The following COL7A1 variants were observed in gnomAD, a reference collection of about 807,000 sequenced individuals.
COL7A1 encodes the protein collagen type VII alpha 1 chain.
In COL7A1, 296 loss-of-function variants were observed where a neutral mutation model predicts 456.2. The ratio of observed to expected loss-of-function variants is 0.65; its 90% CI spans 0.59 to 0.71. The LOEUF is 0.71. COL7A1 is among the 30% of genes least tolerant of loss of function. COL7A1 has a pLI of 0.00. For missense variants in COL7A1, 3,441 were observed against 4,017.2 expected, an observed-to-expected ratio of 0.86 and a Z score of 3.88; for synonymous variants, 1,464 against 1,525.9, an observed-to-expected ratio of 0.96 and a Z score of 0.95.
At position 48,587,553 on chromosome 3, in the gene COL7A1, C is replaced by T. The variant is rs757592677; in HGVS notation, c.2859G>A (p.Glu953=). The stretch of plus-strand genomic sequence containing the variant: ...GTTCAATGCTTGGAACACGAGGTGA[C>T]TCTGAAGGAGGAATGAAAGATCGAG... ...GPSAEVTART[E]SPRVPSIELR... is the part of the protein sequence containing the mutation. The change falls in exon 23 of 119, where the codon GAG becomes GAA. Residue 953 remains glutamate (E), a splice_region_variant and synonymous_variant. Coordinates refer to ENST00000681320, the MANE Select transcript of COL7A1 (RefSeq NM_000094.4). The surrounding 1 kb of genome is among the most constrained non-coding windows in gnomAD (Gnocchi z 6.1). The T allele has an allele frequency of 4.3e-6, 7 of 1,613,490 alleles. No homozygotes were observed. Among genetic ancestry groups the T allele is most frequent in the Admixed American group, 1.7e-5 (1 of 60,018 alleles).
chr3:48,573,725 C>T lies in COL7A1; in HGVS notation c.6538G>A (p.Gly2180Ser), dbSNP rs2044089737. Residue 2180 changes from glycine (G) to serine (S), a missense_variant and splice_region_variant, in exon 82 of 119, where the codon GGT (glycine) becomes AGT (serine). Coordinates refer to ENST00000681320, the MANE Select transcript of COL7A1 (RefSeq NM_000094.4). This position sits in a 1 kb window ranked among gnomAD's most constrained non-coding sequence, Gnocchi z 5.5. ...QGPRGPPGPV[G>S]GHGDPGPPGA... ...GGTGGTCCAGGGTCTCCATGACCAC[C>T]CTGTTGTGGCGAAAAAGAGTCTGAT... 1 of 1,613,404 alleles carries T rather than the reference C, an allele frequency of 6.2e-7. No homozygotes were observed. Among genetic ancestry groups the T allele is most frequent in the Non-Finnish European group, 8.5e-7 (1 of 1,179,778 alleles).
In COL7A1 at chr3:48,588,748, G is replaced by A; in HGVS notation, c.2481C>T (p.Asp827=). The A allele has an allele frequency of 6.2e-7, 1 of 1,613,916 alleles. No individual in the cohort carries two copies. Among genetic ancestry groups the A allele is most frequent in the Non-Finnish European group, 8.5e-7 (1 of 1,180,044 alleles). ...CTTCGAGACCCCGGATCTCTGCAGA[G>A]TCTGTGTTTCCTGGGAGTATCTGGT... The part of the protein sequence containing the change: ...MRHQILPGNT[D]SAEIRGLEGG... Residue 827 remains aspartate (D), a synonymous_variant, in exon 20 of 119, where the codon GAC becomes GAT. Coordinates refer to ENST00000681320, the MANE Select transcript of COL7A1 (RefSeq NM_000094.4). This position sits in a 1 kb window ranked among gnomAD's most constrained non-coding sequence, Gnocchi z 4.6.
At chr3:48,589,555 C>T (rs750673740) in intron 17 of COL7A1, 44 bp downstream of exon 17, 8 of 1,612,520 alleles carry the variant, frequency 5.0e-6, no homozygotes, top group South Asian at 2.2e-5. Flanking sequence ...ACCCCCAGCC[C>T]CCATTCCACC....
rs1264015773 is a variant in COL7A1, at chr3:48,569,336, C to T, written c.7686+39G>A. 2.5e-6 allele frequency: 4 copies of T among 1,610,788 alleles called. No homozygotes were observed. In the Admixed American group the frequency reaches 5.0e-5, roughly 20 times the overall value. On this transcript the variant is annotated intron_variant, in intron 103 of 118. Transcript: ENST00000681320. This position sits in a 1 kb window ranked among gnomAD's most constrained non-coding sequence, Gnocchi z 4.9. ...AGATGCTGTGGAACCACCACAGCCA[C>T]AGGACCCCACAGAGAGTACACCACC...
At position 48,571,112 on chromosome 3, in the gene COL7A1, G is replaced by A. The variant is rs748453507; in HGVS notation, c.7153C>T (p.Pro2385Ser). 6.2e-6 allele frequency: 10 copies of A among 1,613,812 alleles called. No individual in the cohort carries two copies. Among genetic ancestry groups the A allele is most frequent in the Non-Finnish European group, 7.6e-6 (9 of 1,179,976 alleles). The change falls in exon 94 of 119, where the codon CCA (proline) becomes TCA (serine). Residue 2385 changes from proline (P) to serine (S), a missense_variant. By Grantham distance (74) the Pro-to-Ser change is moderately conservative. Transcript: ENST00000681320. This position sits in a 1 kb window ranked among gnomAD's most constrained non-coding sequence, Gnocchi z 4.6. ...GGGCATTGACTTACCTTCACACCTG[G>A]AGGGCCAGGAGGCCCAGGGGAGCCC... ...VPGSPGPPGPPGVKGDLGLPG... is the reference protein window; with the variant it reads ...VPGSPGPPGPSGVKGDLGLPG...
rs901494632 is a variant in COL7A1 at position 48,564,268 on chromosome 3, C to A, written c.*138G>T. On this transcript the variant is annotated 3_prime_UTR_variant, in exon 119 of 119. Transcript: ENST00000681320. The surrounding 1 kb of genome is among the most constrained non-coding windows in gnomAD (Gnocchi z 6.0). ...GGGGGGAAGGCTAGACCCACGGGAC[C>A]AAGTCACTGAAATAACGGACGTGCA... is the stretch of plus-strand genomic sequence containing the variant. 5.6e-6 allele frequency: 6 copies of A among 1,077,954 alleles called. No individual in the cohort carries two copies. Among genetic ancestry groups the A allele is most frequent in the Non-Finnish European group, 8.4e-6 (6 of 711,528 alleles). The allele number at this position is 1,077,954 out of a possible 1,614,324, so 66.8% of individuals were successfully genotyped here.
At position 48,580,900 on chromosome 3, in the gene COL7A1, T is replaced by C; in HGVS notation, c.4962A>G (p.Ala1654=). 1 of 1,614,096 alleles carries C rather than the reference T, an allele frequency of 6.2e-7. No individual in the cohort carries two copies. Among genetic ancestry groups the C allele is most frequent in the Non-Finnish European group, 8.5e-7 (1 of 1,180,028 alleles). ...GACTCACCCGAAGGCCACGCTCGCC[T>C]GCTTTTCCAGGCAAACCCGGGTCAC... The part of the protein sequence containing the change: ...PPGDPGLPGK[A]GERGLRGAPG... The change falls in exon 54 of 119, where the codon GCA becomes GCG. Residue 1654 remains alanine (A), a synonymous_variant. Coordinates refer to ENST00000681320, the MANE Select transcript of COL7A1 (RefSeq NM_000094.4). This position sits in a 1 kb window ranked among gnomAD's most constrained non-coding sequence, Gnocchi z 4.5.
chr3:48,569,219 G>A lies in COL7A1; in HGVS notation c.7686+156C>T, dbSNP rs2043762166. ...ACCAAGGCCTTGAGCCCTCCCTAGA[G>A]CCCCTCCTCTCGGCCACTCCATAGT... On this transcript the variant is annotated intron_variant, in intron 103 of 118. Transcript: ENST00000681320. The surrounding 1 kb of genome is among the most constrained non-coding windows in gnomAD (Gnocchi z 4.9). Among the ~76,000 whole-genome samples, 1 of 151,860 alleles carries A rather than the reference G, an allele frequency of 6.6e-6. No individual in the cohort carries two copies. The highest frequency in any genetic ancestry group is 2.4e-5 in the African/African-American group (1 of 41,312).
In COL7A1 at chr3:48,581,790, C is replaced by T; in HGVS notation, c.4669-31G>A. The T allele has an allele frequency of 1.2e-6, 2 of 1,613,966 alleles. No individual in the cohort carries two copies. Among genetic ancestry groups the T allele is most frequent in the South Asian group, 2.2e-5 (2 of 91,078 alleles). Reference sequence around the variant, plus strand: ...GGTGACAAAGACCATCAGTGCTAGTCCCAGGCTCCAGTTAACCCCCTGACC... The same window carrying T: ...GGTGACAAAGACCATCAGTGCTAGTTCCAGGCTCCAGTTAACCCCCTGACC... On this transcript the variant is annotated intron_variant, in intron 48 of 118. Coordinates refer to ENST00000681320, the MANE Select transcript of COL7A1 (RefSeq NM_000094.4). This position sits in a 1 kb window ranked among gnomAD's most constrained non-coding sequence, Gnocchi z 5.8.
rs2044691970 is a variant in COL7A1, at chr3:48,580,716, C to T, written c.4981-64G>A. The T allele has an allele frequency of 6.3e-7, 1 of 1,587,320 alleles. No individual in the cohort carries two copies. Among genetic ancestry groups the T allele is most frequent in the Non-Finnish European group, 8.6e-7 (1 of 1,157,288 alleles). On this transcript the variant is annotated intron_variant, in intron 54 of 118. Transcript: ENST00000681320. The surrounding 1 kb of genome is among the most constrained non-coding windows in gnomAD (Gnocchi z 4.5). ...ATTTTGCAGGTGCCCCTATGACCCGCTACACTGCCCCAGGTTCCCCATTAC... is the reference window on the plus strand; with the variant it reads ...ATTTTGCAGGTGCCCCTATGACCCGTTACACTGCCCCAGGTTCCCCATTAC...
Position 48,591,930 on chromosome 3 carries a change from C to T in COL7A1, c.1325G>A (p.Arg442His), listed in dbSNP as rs146415546. Residue 442 changes from arginine to histidine, a missense_variant, in exon 11 of 119, where the codon CGT becomes CAT. Coordinates refer to ENST00000681320, the MANE Select transcript of COL7A1 (RefSeq NM_000094.4). This position sits in a 1 kb window ranked among gnomAD's most constrained non-coding sequence, Gnocchi z 7.0. ...LLSWNLVPEA[R>H]GYRLEWRRET... ...ACGCCGCCATTCCAACCGGTAGCCA[C>T]GGGCCTCAGGCACCAAGTTCCAGGA... The T allele has an allele frequency of 8.8e-5, 142 of 1,614,092 alleles. No homozygotes were observed. The highest frequency in any genetic ancestry group is 4.5e-4 in the South Asian group (41 of 91,090).
chr3:48,584,431 C>G, intron 36 of COL7A1, 54 bp downstream of exon 36: 2 of 1,613,456 alleles, frequency 1.2e-6, no homozygotes, highest in South Asian at 2.2e-5. Context: ...TCTCGCCCCC[C>G]TCGTGTTGGT....
rs1317938405 is a variant in COL7A1 at position 48,572,349 on chromosome 3, G to C, written c.6978+31C>G. ...GGCCACTGGAGAGACAGGACCCCCAGAACATCTGCTGTCAGAAGTTCCCTA... is the reference window on the plus strand; with the variant it reads ...GGCCACTGGAGAGACAGGACCCCCACAACATCTGCTGTCAGAAGTTCCCTA... On this transcript the variant is annotated intron_variant, in intron 90 of 118. Coordinates refer to ENST00000681320, the MANE Select transcript of COL7A1 (RefSeq NM_000094.4). The surrounding 1 kb of genome is among the most constrained non-coding windows in gnomAD (Gnocchi z 4.6). 1 of 1,614,150 alleles carries C rather than the reference G, an allele frequency of 6.2e-7. No homozygotes were observed. Among genetic ancestry groups the C allele is most frequent in the South Asian group, 1.1e-5 (1 of 91,088 alleles).
Position 48,569,846 on chromosome 3 carries a change from C to T in COL7A1, c.7521+34G>A, listed in dbSNP as rs778830879. On this transcript the variant is annotated intron_variant, in intron 100 of 118. Coordinates refer to ENST00000681320, the MANE Select transcript of COL7A1 (RefSeq NM_000094.4). This position sits in a 1 kb window ranked among gnomAD's most constrained non-coding sequence, Gnocchi z 4.9. ...ATATCATACAAGATCCACTCACCCC[C>T]CCACTCATGCCAGGACCTTCCCCAC... 6.2e-7 allele frequency: 1 copy of T among 1,614,074 alleles called. No individual in the cohort carries two copies. The highest frequency in any genetic ancestry group is 8.5e-7 in the Non-Finnish European group (1 of 1,180,030).
In COL7A1 at chr3:48,567,695, C is replaced by T. The variant is rs774359076; in HGVS notation, c.7983+15G>A. 41 of 1,613,984 alleles carry T rather than the reference C, an allele frequency of 2.5e-5. No individual in the cohort carries two copies. Among genetic ancestry groups the T allele is most frequent in the South Asian group, 3.3e-5 (3 of 91,086 alleles). ...CCACCCGTGGCCCCCTCATTCTGAG[C>T]GTGCCCACACTCACCATCTCTCCTT... On this transcript the variant is annotated intron_variant, in intron 108 of 118. Coordinates refer to ENST00000681320, the MANE Select transcript of COL7A1 (RefSeq NM_000094.4). This position sits in a 1 kb window ranked among gnomAD's most constrained non-coding sequence, Gnocchi z 4.3.
In COL7A1 at chr3:48,569,658, C is replaced by T. The variant is rs774375374; in HGVS notation, c.7558-10G>A. 10 of 1,613,868 alleles carry T rather than the reference C, an allele frequency of 6.2e-6. No individual in the cohort carries two copies. In the African/African-American group the frequency reaches 1.2e-4, roughly 19 times the overall value. ...TCACAGCTGAGTCTCCCTGAGGGGG[C>T]AGGCAGGAATCAGAGGAGTCGGGAG... On this transcript the variant is annotated splice_polypyrimidine_tract_variant and intron_variant, in intron 101 of 118. Coordinates refer to ENST00000681320, the MANE Select transcript of COL7A1 (RefSeq NM_000094.4). The surrounding 1 kb of genome is among the most constrained non-coding windows in gnomAD (Gnocchi z 4.9).
chr3:48,568,628 C>T lies in COL7A1; in HGVS notation c.7759-94G>A. ...TGTGGCCACTCAGATGCTCAGCGGC[C>T]AGGGCCCAGGCCACACACAGATCCC... On this transcript the variant is annotated intron_variant, in intron 104 of 118. Transcript: ENST00000681320. The surrounding 1 kb of genome is among the most constrained non-coding windows in gnomAD (Gnocchi z 5.2). 6.6e-7 allele frequency: 1 copy of T among 1,509,480 alleles called. No individual in the cohort carries two copies. Among genetic ancestry groups the T allele is most frequent in the Non-Finnish European group, 9.0e-7 (1 of 1,110,378 alleles). 93.5% of individuals were successfully genotyped at this position (1,509,480 alleles called of 1,614,324 possible). A position where few individuals can be genotyped will look rare whatever the true frequency, so the allele number is the denominator to read the frequency against.
rs2045707100 is a variant in COL7A1 at position 48,591,620 on chromosome 3, C to T, written c.1508-28G>A. 4 of 1,613,304 alleles carry T rather than the reference C, an allele frequency of 2.5e-6. No individual in the cohort carries two copies. In the Admixed American group the frequency reaches 5.0e-5, roughly 20 times the overall value. ...GTTGGAGAGCACAGCATAGAGGCAG[C>T]CTGGGGCTCCGACACCTCCCCCACT... On this transcript the variant is annotated intron_variant, in intron 12 of 118. Coordinates refer to ENST00000681320, the MANE Select transcript of COL7A1 (RefSeq NM_000094.4). The surrounding 1 kb of genome is among the most constrained non-coding windows in gnomAD (Gnocchi z 7.0).
chr3:48,579,009 C>A lies in COL7A1; in HGVS notation c.5389-55G>T. On this transcript the variant is annotated intron_variant, in intron 62 of 118. Coordinates refer to ENST00000681320, the MANE Select transcript of COL7A1 (RefSeq NM_000094.4). The surrounding 1 kb of genome is among the most constrained non-coding windows in gnomAD (Gnocchi z 4.4). ...TGGTCATGGGGTCAGGGGCTCTAGT[C>A]CCTGTGAGCCTAAGGCCTGCATGGC... 6.2e-7 allele frequency: 1 copy of A among 1,609,916 alleles called. No individual in the cohort carries two copies. Among genetic ancestry groups the A allele is most frequent in the South Asian group, 1.1e-5 (1 of 90,962 alleles).
Sources: gnomAD v4.1 joint callset for allele counts (sites outside exome capture counted in the v4.1 genomes callset) on GRCh38, gnomAD v4.1.1 for gene constraint, Gnocchi (gnomAD v3.1) non-coding constraint, MANE v1.5 for transcripts, NCBI Gene and HGNC (gene_info 2026-07-23, HGNC 2026-07-21) for gene names.